DLGAP1: variants seen among roughly 807,000 people sequenced by gnomAD.
DLGAP1 encodes the protein disks large-associated protein 1.
In DLGAP1, 11 loss-of-function variants were observed where a neutral mutation model predicts 90.8. The ratio of observed to expected loss-of-function variants is 0.12; its 90% confidence interval spans 0.08 to 0.20. The LOEUF is 0.20. Ranked by LOEUF, DLGAP1 falls within the 10% of genes least tolerant of loss-of-function variation. The pLI is 1.00. For missense variants in DLGAP1, 1,050 were observed against 1,333.8 expected, an observed-to-expected ratio of 0.79 and a Z score of 3.31; for synonymous variants, 558 against 540.7, an observed-to-expected ratio of 1.03 and a Z score of -0.44.
intron 7 of DLGAP1, among the ~76,000 whole-genome samples, chr18:3,624,225 G>C (rs1333914982): frequency 6.6e-6 from 1 of 152,186 alleles, no homozygotes. Context: ...GGGCGCCTGT[G>C]ACCTGGGCGT....
chr18:3,784,409 C>T (rs1484687513), intron 5 of DLGAP1, among the ~76,000 whole-genome samples: 5 of 152,166 alleles, frequency 3.3e-5, no homozygotes, highest in African/African-American at 9.7e-5. Flanking sequence ...CCGTTTTCTT[C>T]TTCTTTTTCG....
chr18:3,775,074 A>C lies in DLGAP1; in HGVS notation c.1173-32562T>G, dbSNP rs2064877599. Among the ~76,000 whole-genome samples, 1 of 152,176 alleles carries C rather than the reference A, an allele frequency of 6.6e-6. No individual in the cohort carries two copies. The highest frequency in any genetic ancestry group is 6.5e-5 in the Admixed American group (1 of 15,278). On this transcript the variant is annotated intron_variant, in intron 5 of 12. Coordinates refer to ENST00000315677, the MANE Select transcript of DLGAP1 (RefSeq NM_004746.4). This position sits in a 1 kb window ranked among gnomAD's most constrained non-coding sequence, Gnocchi z 4.9. ...ACCACTGTCGCTCTGCAGGCCCCACAGGCTTTGTCCCAGGTCACTGTGTGT... is the reference window on the plus strand; with the variant it reads ...ACCACTGTCGCTCTGCAGGCCCCACCGGCTTTGTCCCAGGTCACTGTGTGT...
At chr18:3,737,558 T>C (rs1393392162) in intron 6 of DLGAP1, among the ~76,000 whole-genome samples, 1 of 151,504 alleles carries the variant, frequency 6.6e-6, no homozygotes, top group Admixed American at 6.6e-5. Flanking sequence ...AAAAGGCCTT[T>C]GACAAAATTC....
intron 1 of DLGAP1, among the ~76,000 whole-genome samples, chr18:4,252,994 G>A (rs1453109742): frequency 6.6e-6 from 1 of 152,174 alleles, no homozygotes; most frequent in Non-Finnish European, 1.5e-5. Context: ...TTATCTACAG[G>A]CCCAGGGCCA....
intron 1 of DLGAP1, among the ~76,000 whole-genome samples, chr18:4,185,200 A>G (rs1344472261): frequency 6.6e-6 from 1 of 152,064 alleles, no homozygotes; most frequent in Non-Finnish European, 1.5e-5. Context: ...AATATTAAAT[A>G]CAATAAGACA....
intron 2 of DLGAP1, among the ~76,000 whole-genome samples, chr18:4,058,655 C>T (rs1292479658): frequency 1.3e-5 from 2 of 152,236 alleles, no homozygotes; most frequent in Non-Finnish European, 2.9e-5. Flanking sequence ...AATGAACATT[C>T]CTCTCTTGAA....
chr18:3,716,564 G>A (rs1020955961), intron 7 of DLGAP1, among the ~76,000 whole-genome samples: 1 of 152,020 alleles, frequency 6.6e-6, no homozygotes, highest in Admixed American at 6.6e-5. Flanking sequence ...TTATAAAAGC[G>A]AAACATGCAC....
In DLGAP1 at chr18:4,059,713, A is replaced by AAAATAAATAAATAAAT. The variant is rs61167816; in HGVS notation, c.-158-54528_-158-54513dup. On this transcript the variant is annotated intron_variant, in intron 2 of 12. Transcript: ENST00000315677. Reference sequence around the variant, plus strand: ...ACAACAGGAGCAAAACTCCATCTCAAAAATAAATAAATAAATAAATAAATA... The same window carrying AAAATAAATAAATAAAT: ...ACAACAGGAGCAAAACTCCATCTCAAAAATAAATAAATAAATAAATAAATAAATAAATAAATAAATA... 2.7e-3 allele frequency among the ~76,000 whole-genome samples: 400 copies of AAAATAAATAAATAAAT among 150,564 alleles called. 5 individuals are homozygous for AAAATAAATAAATAAAT. The highest frequency in any genetic ancestry group is 9.0e-3 in the African/African-American group (366 of 40,790).
chr18:3,943,491 C>T (rs2072813807), intron 3 of DLGAP1, among the ~76,000 whole-genome samples: 1 of 127,284 alleles, frequency 7.9e-6, no homozygotes, highest in South Asian at 2.8e-4. Flanking sequence ...AAAAGAACAT[C>T]ACTGCTAGGA....
At chr18:3,637,944 C>CTTTTTTT (rs56346479) in intron 7 of DLGAP1, among the ~76,000 whole-genome samples, 2 of 109,416 alleles carry the variant, frequency 1.8e-5, no homozygotes, top group African/African-American at 3.6e-5. Context: ...TGCTAGGTAG[C>CTTTTTTT]TTTTTTTTTT....
At chr18:4,441,524 G>A (rs575311623) in intron 1 of DLGAP1, among the ~76,000 whole-genome samples, 9 of 152,320 alleles carry the variant, frequency 5.9e-5, no homozygotes, top group Non-Finnish European at 1.2e-4. Flanking sequence ...AGGACACATG[G>A]TGATTTCTTA....
At chr18:3,924,436 T>C (rs1295019512) in intron 3 of DLGAP1, among the ~76,000 whole-genome samples, 2 of 152,256 alleles carry the variant, frequency 1.3e-5, no homozygotes, top group African/African-American at 4.8e-5. Flanking sequence ...TTTCTGTTTA[T>C]GTTTTCCTTC....
chr18:3,714,129 A>G (rs935392946), intron 7 of DLGAP1, among the ~76,000 whole-genome samples: 1 of 152,236 alleles, frequency 6.6e-6, no homozygotes, highest in African/African-American at 2.4e-5. Flanking sequence ...TTTTAAAAAA[A>G]CAATTTTGAT....
At chr18:3,789,416 G>A (rs961208419) in intron 5 of DLGAP1, among the ~76,000 whole-genome samples, 15 of 152,190 alleles carry the variant, frequency 9.9e-5, no homozygotes, top group Admixed American at 8.5e-4. Flanking sequence ...GAGCTCAGAC[G>A]GAAGGCCGGG....
At chr18:4,277,422 A>T (rs1488436804) in intron 1 of DLGAP1, among the ~76,000 whole-genome samples, 1 of 152,200 alleles carries the variant, frequency 6.6e-6, no homozygotes, top group African/African-American at 2.4e-5. Flanking sequence ...TAAGGATGTC[A>T]TGGTTACTTT....
chr18:3,886,488 T>A (rs2071317976), intron 3 of DLGAP1, among the ~76,000 whole-genome samples: 1 of 152,216 alleles, frequency 6.6e-6, no homozygotes, highest in African/African-American at 2.4e-5. Flanking sequence ...ATAGTCACCC[T>A]ATTGTGCTAT....
intron 1 of DLGAP1, among the ~76,000 whole-genome samples, chr18:4,328,535 A>G (rs1025713626): frequency 6.6e-6 from 1 of 151,942 alleles, no homozygotes; most frequent in Non-Finnish European, 1.5e-5. Flanking sequence ...TTGCATAAAC[A>G]TATGTTTTCA....
chr18:3,558,611 C>G (rs1187971572), intron 9 of DLGAP1, among the ~76,000 whole-genome samples: 5 of 152,158 alleles, frequency 3.3e-5, no homozygotes, highest in African/African-American at 4.8e-5. Flanking sequence ...GAATTGACCC[C>G]TTTATCATCA....
chr18:4,341,352 T>C (rs560086643), intron 1 of DLGAP1, among the ~76,000 whole-genome samples: 2 of 152,234 alleles, frequency 1.3e-5, no homozygotes, highest in South Asian at 4.1e-4. Flanking sequence ...GAAGCCTTCC[T>C]AACACCTCTT....
Sources: gnomAD v4.1 joint callset for allele counts (sites outside exome capture counted in the v4.1 genomes callset) on GRCh38, gnomAD v4.1.1 for gene constraint, Gnocchi (gnomAD v3.1) non-coding constraint, MANE v1.5 for transcripts, NCBI Gene and HGNC (gene_info 2026-07-23, HGNC 2026-07-21) for gene names.